The following OPCML variants were observed in gnomAD, a reference collection of about 807,000 sequenced individuals.
The protein encoded by OPCML is opioid-binding protein/cell adhesion molecule.
A neutral mutation model predicts 37.8 loss-of-function variants in OPCML; 13 were observed. The observed-to-expected ratio is 0.34, with a 90% CI of 0.22 to 0.55. The LOEUF (loss-of-function observed/expected upper bound fraction) is 0.55, where lower values mean the gene tolerates loss of function less well. Among genes scored for constraint, OPCML ranks in the 20% least tolerant of loss-of-function variants. The pLI is 0.91. For missense variants in OPCML, 341 were observed against 435.6 expected, an observed-to-expected ratio of 0.78 and a Z score of 1.93; for synonymous variants, 176 against 168.8, an observed-to-expected ratio of 1.04 and a Z score of -0.33.
chr11:132,437,847 C>A (rs1195183401), intron 4 of OPCML, among the ~76,000 whole-genome samples: 1 of 152,170 alleles, frequency 6.6e-6, no homozygotes, highest in South Asian at 2.1e-4. Context: ...AATAAGTAAG[C>A]ATTCTACCCT....
At chr11:132,496,905 T>C (rs776113069) in intron 4 of OPCML, among the ~76,000 whole-genome samples, 4 of 152,204 alleles carry the variant, frequency 2.6e-5, no homozygotes, top group Non-Finnish European at 5.9e-5. Context: ...ATCAGCTATC[T>C]TCTCCTCAAT....
intron 1 of OPCML, chr11:133,007,660 T>C: frequency 1.0e-6 from 1 of 985,432 alleles, no homozygotes; most frequent in Admixed American, 6.1e-5. Context: ...CAGTCTTTTA[T>C]TGAAATAATA....
chr11:132,671,704 A>G (rs1942483446), intron 2 of OPCML, among the ~76,000 whole-genome samples: 1 of 152,148 alleles, frequency 6.6e-6, no homozygotes, highest in African/African-American at 2.4e-5. Flanking sequence ...CTTCCATAGA[A>G]ACTTGTAAGG....
chr11:132,972,555 G>A (rs950095722), intron 1 of OPCML, among the ~76,000 whole-genome samples: 2 of 152,292 alleles, frequency 1.3e-5, no homozygotes, highest in African/African-American at 2.4e-5. Flanking sequence ...TAAAGCCATC[G>A]TTTGTCATGT....
At chr11:133,519,015 G>A (rs565433770) in intron 1 of OPCML, among the ~76,000 whole-genome samples, 4 of 152,166 alleles carry the variant, frequency 2.6e-5, no homozygotes, top group Admixed American at 6.5e-5. Flanking sequence ...GGAGGTCCTC[G>A]GCCCTGCACA....
At chr11:132,830,081 T>C (rs908988783) in intron 2 of OPCML, among the ~76,000 whole-genome samples, 6 of 152,184 alleles carry the variant, frequency 3.9e-5, no homozygotes, top group African/African-American at 9.7e-5. Flanking sequence ...TAGAATCTTA[T>C]GGGATTACTC....
intron 1 of OPCML, among the ~76,000 whole-genome samples, chr11:133,125,941 A>G (rs1464725785): frequency 2.0e-5 from 3 of 149,680 alleles, no homozygotes; most frequent in Non-Finnish European, 3.0e-5. Context: ...ACATGTATAT[A>G]TAGACACATG....
intron 3 of OPCML, among the ~76,000 whole-genome samples, chr11:132,608,887 C>G (rs571716282): frequency 3.4e-4 from 51 of 152,162 alleles, no homozygotes; most frequent in Non-Finnish European, 5.4e-4. Flanking sequence ...CTGTGTACCT[C>G]CAGTGTGTCG....
chr11:132,695,089 A>T (rs1281975421), intron 2 of OPCML, among the ~76,000 whole-genome samples: 1 of 152,206 alleles, frequency 6.6e-6, no homozygotes, highest in Non-Finnish European at 1.5e-5. Context: ...ACCTCAGCTG[A>T]TGCAATGCTT....
chr11:133,015,625 C>T (rs1244840804), intron 1 of OPCML, among the ~76,000 whole-genome samples: 3 of 152,176 alleles, frequency 2.0e-5, no homozygotes, highest in Non-Finnish European at 2.9e-5. Context: ...TGCTTACCAA[C>T]ACCTAGGACT....
At chr11:132,432,392 T>C (rs2096000087) in intron 7 of OPCML, among the ~76,000 whole-genome samples, 1 of 152,158 alleles carries the variant, frequency 6.6e-6, no homozygotes, top group South Asian at 2.1e-4. Flanking sequence ...GTGCTGAAAC[T>C]ATTGCCACAC....
At chr11:133,061,979 G>T (rs1948350909) in intron 1 of OPCML, among the ~76,000 whole-genome samples, 1 of 152,182 alleles carries the variant, frequency 6.6e-6, no homozygotes, top group Admixed American at 6.5e-5. Flanking sequence ...ATAGGGTCTT[G>T]TTTAGCTACA....
At chr11:133,307,964 G>A (rs1942968110) in intron 1 of OPCML, among the ~76,000 whole-genome samples, 1 of 151,624 alleles carries the variant, frequency 6.6e-6, no homozygotes, top group Admixed American at 6.6e-5. Context: ...GAACATATAT[G>A]GAGTTCTGAA....
intron 3 of OPCML, among the ~76,000 whole-genome samples, chr11:132,536,000 G>T (rs2096339800): frequency 6.6e-6 from 1 of 152,120 alleles, no homozygotes; most frequent in African/African-American, 2.4e-5. Context: ...ATCAGAACAG[G>T]AAGCAATAGT....
In OPCML at chr11:132,999,577, G is replaced by GGGGGA. The variant is rs372561939; in HGVS notation, c.62-56568_62-56567insTCCCC. Among the ~76,000 whole-genome samples the GGGGGA allele has an allele frequency of 6.5e-3, 955 of 145,970 alleles. 29 individuals carry two copies. The highest frequency in any genetic ancestry group is 0.025 in the African/African-American group (910 of 36,596). On this transcript the variant is annotated intron_variant, in intron 1 of 7. Coordinates refer to ENST00000524381, the MANE Select transcript of OPCML (RefSeq NM_001012393.5). ...CAAGTGACAAATGGGGTCGGGGGGG[G>GGGGGA]AATGCCACCGGTAATGAACAAAAGC...
chr11:133,483,792 A>AAAT lies in OPCML; in HGVS notation c.61+48471_61+48472insATT, dbSNP rs1197619580. ...GAGATTTATAGATGGATAGATACAT[A>AAAT]GATGATAGATAGATAGATAGATAGA... On this transcript the variant is annotated intron_variant, in intron 1 of 7. Coordinates refer to ENST00000524381, the MANE Select transcript of OPCML (RefSeq NM_001012393.5). Among the ~76,000 whole-genome samples the AAAT allele has an allele frequency of 1.5e-3, 61 of 41,454 alleles. 1 individual carries two copies. The East Asian group carries it at 0.033, about 22-fold the overall frequency. The allele number at this position is 41,454 out of a possible 152,430, so 27.2% of individuals were successfully genotyped here. A position where few individuals can be genotyped will look rare whatever the true frequency, so the allele number is the denominator to read the frequency against.
intron 1 of OPCML, among the ~76,000 whole-genome samples, chr11:133,075,602 GC>G (rs1302907546): frequency 6.6e-6 from 1 of 152,140 alleles, no homozygotes; most frequent in Admixed American, 6.5e-5. Context: ...CTCACGCCTG[GC>G]CCCCCAAGAA....
chr11:133,498,010 A>C (rs1171556792), intron 1 of OPCML, among the ~76,000 whole-genome samples: 3 of 152,148 alleles, frequency 2.0e-5, no homozygotes, highest in Non-Finnish European at 4.4e-5. Flanking sequence ...TTGTCAATTT[A>C]AAAGGGAACA....
At chr11:132,491,468 A>AGAT (rs2096215438) in intron 4 of OPCML, among the ~76,000 whole-genome samples, 1 of 152,162 alleles carries the variant, frequency 6.6e-6, no homozygotes, top group Non-Finnish European at 1.5e-5. Flanking sequence ...GCCTGCCTTC[A>AGAT]GATACCTACT....
Sources: gnomAD v4.1 joint callset for allele counts (sites outside exome capture counted in the v4.1 genomes callset) on GRCh38, gnomAD v4.1.1 for gene constraint, MANE v1.5 for transcripts, NCBI Gene and HGNC (gene_info 2026-07-23, HGNC 2026-07-21) for gene names.